Variants in LHX8 observed in about 807,000 individuals in gnomAD.
LHX8 encodes the protein LIM homeobox 8, also known as LIM/homeobox protein Lhx8.
LHX8 carries 12 observed loss-of-function variants against 40.3 expected under a neutral mutation model. The observed-to-expected ratio is 0.30, with a 90% confidence interval of 0.19 to 0.48. The LOEUF (loss-of-function observed/expected upper bound fraction) is 0.48, where lower values mean the gene tolerates loss of function less well. Ranked by LOEUF, LHX8 falls within the 20% of genes least tolerant of loss-of-function variation. The pLI, the probability that LHX8 is intolerant of heterozygous loss-of-function variation, is 0.99. For missense variants in LHX8, 344 were observed against 433.7 expected (o/e 0.79, Z 1.84); for synonymous variants, 179 against 162.0 (o/e 1.10, Z -0.80).
At chr1:75,151,052 A>G (rs1382795591) in intron 7 of LHX8, among the ~76,000 whole-genome samples, 1 of 152,190 alleles carries the variant, frequency 6.6e-6, no homozygotes, top group Non-Finnish European at 1.5e-5. Flanking sequence ...GGCAAGAGGA[A>G]ACTCAGGGAG....
chr1:75,189,968 G>T, the LHX8 span, among the ~76,000 whole-genome samples: 45 of 152,210 alleles, frequency 3.0e-4, 1 homozygote, highest in African/African-American at 2.4e-5. Flanking sequence ...CTTTGCAAAG[G>T]CCTCGTCAAA....
chr1:75,160,231 A>C (rs1648882883), intron 8 of LHX8: 1 of 152,442 alleles, frequency 6.6e-6, no homozygotes, highest in Non-Finnish European at 1.5e-5. Flanking sequence ...CAGATTTCCT[A>C]GTTGGTCTCA....
At chr1:75,153,254 T>A (rs991142337) in intron 7 of LHX8, among the ~76,000 whole-genome samples, 1 of 152,022 alleles carries the variant, frequency 6.6e-6, no homozygotes, top group East Asian at 1.9e-4. Context: ...TACAGGTGCG[T>A]GATACCACAC....
At position 75,157,059 on chromosome 1, in the gene LHX8, T is replaced by G. The variant is rs1648789421; in HGVS notation, c.947T>G (p.Leu316Arg). The G allele has an allele frequency of 6.2e-7, 1 of 1,614,072 alleles. No individual in the cohort carries two copies. Among genetic ancestry groups the G allele is most frequent in the African/African-American group, 1.3e-5 (1 of 74,934 alleles). Residue 316 changes from leucine (L) to arginine (R), a missense_variant, in exon 8 of 9, where the codon CTG (leucine) becomes CGG (arginine). Physicochemically the swap from Leu to Arg is moderately radical, Grantham distance 102. This residue lies in a region of LHX8 where 89 missense variants were observed against 92.8 expected (regional missense o/e 0.96). Coordinates refer to ENST00000356261, the MANE Select transcript of LHX8 (RefSeq NM_001256114.2). ...VPQDGTMLTA[L>R]HSYMDAHSPT... ...CAAGATGGAACGATGTTAACTGCGCTGCATAGTTATATGGATGGTAGGTAT... is the reference window on the plus strand; with the variant it reads ...CAAGATGGAACGATGTTAACTGCGCGGCATAGTTATATGGATGGTAGGTAT...
the LHX8 span, among the ~76,000 whole-genome samples, chr1:75,182,209 C>G: frequency 1.4e-3 from 216 of 152,242 alleles, no homozygotes; most frequent in African/African-American, 4.9e-3. Flanking sequence ...CTTCATTCTT[C>G]TATATGTGGC....
downstream of LHX8, among the ~76,000 whole-genome samples, chr1:75,164,804 G>T (rs1350061862): frequency 4.1e-5 from 6 of 148,012 alleles, no homozygotes; most frequent in African/African-American, 1.5e-4. Flanking sequence ...CAAGTAGCCA[G>T]AACTACAGAT....
chr1:75,166,869 C>T, the LHX8 span, among the ~76,000 whole-genome samples: 1 of 152,166 alleles, frequency 6.6e-6, no homozygotes, highest in African/African-American at 2.4e-5. Context: ...GCTTCCTCTC[C>T]TGTTAGGATA....
intron 3 of LHX8, among the ~76,000 whole-genome samples, chr1:75,140,718 C>G (rs1648289811): frequency 6.6e-6 from 1 of 151,944 alleles, no homozygotes; most frequent in Admixed American, 6.6e-5. Flanking sequence ...AAAAAGCAAC[C>G]TGAATTCTTC....
the LHX8 span, among the ~76,000 whole-genome samples, chr1:75,198,410 TG>T: frequency 6.6e-6 from 1 of 152,188 alleles, no homozygotes; most frequent in African/African-American, 2.4e-5. Flanking sequence ...TAACAGGCAT[TG>T]CCCAACTCTA....
chr1:75,150,207 C>T (rs1648568223), intron 7 of LHX8, among the ~76,000 whole-genome samples: 1 of 152,166 alleles, frequency 6.6e-6, no homozygotes, highest in African/African-American at 2.4e-5. Context: ...CACTGCACTC[C>T]AGCCTGGGTG....
chr1:75,148,740 C>T, intron 7 of LHX8, 58 bp downstream of exon 7: 2 of 1,172,202 alleles, frequency 1.7e-6, no homozygotes, highest in Non-Finnish European at 2.5e-6. Flanking sequence ...ATTGGGTCTC[C>T]CTATGTTGCC....
downstream of LHX8, among the ~76,000 whole-genome samples, chr1:75,165,075 T>C (rs1212692271): frequency 6.6e-6 from 1 of 152,194 alleles, no homozygotes; most frequent in East Asian, 1.9e-4. Context: ...AAAGTGAGCA[T>C]TCATTAGGAT....
At chr1:75,155,456 G>A (rs150800349) in intron 7 of LHX8, among the ~76,000 whole-genome samples, 146 of 152,094 alleles carry the variant, frequency 9.6e-4, no homozygotes, top group Admixed American at 1.9e-3. Context: ...GGATGGTCTC[G>A]ATCTCCTGAC....
At chr1:75,143,974 T>G (rs762880508) in intron 6 of LHX8, 26 bp downstream of exon 6, 67 of 1,585,498 alleles carry the variant, frequency 4.2e-5, no homozygotes, top group Non-Finnish European at 5.6e-5. Flanking sequence ...AATTTTTTAT[T>G]TTTGAAGCCC....
chr1:75,158,333 T>G (rs1648825101), intron 8 of LHX8, among the ~76,000 whole-genome samples: 1 of 152,220 alleles, frequency 6.6e-6, no homozygotes, highest in Admixed American at 6.5e-5. Flanking sequence ...CCTACTTAGT[T>G]GCTTGGCTTT....
chr1:75,136,452 C>A, intron 1 of LHX8, 151 bp from the exon 2 acceptor site: 1 of 438,172 alleles, frequency 2.3e-6, no homozygotes, highest in South Asian at 5.0e-5. Context: ...CCGCCCGCGG[C>A]GCCCGGGCTC....
In LHX8 at chr1:75,136,655, G is replaced by T; in HGVS notation, c.41G>T (p.Gly14Val). The T allele has an allele frequency of 6.5e-7, 1 of 1,548,866 alleles. No individual in the cohort carries two copies. Reference sequence around the variant, plus strand: ...GGGCGGACTACAGCCCTGGCGGCCGGGAGGACTCGCAAAGGCGCCGGGGAA... The same window carrying T: ...GGGCGGACTACAGCCCTGGCGGCCGTGAGGACTCGCAAAGGCGCCGGGGAA... ...ECGRTTALAA[G>V]RTRKGAGEEG... The change falls in exon 2 of 9, where the codon GGG becomes GTG. Residue 14 changes from glycine to valine, a missense_variant. Gly to Val is a moderately radical substitution (Grantham distance 109). Coordinates refer to ENST00000356261, the MANE Select transcript of LHX8 (RefSeq NM_001256114.2).
At chr1:75,187,142 A>G in the LHX8 span, among the ~76,000 whole-genome samples, 4 of 152,174 alleles carry the variant, frequency 2.6e-5, no homozygotes, top group Admixed American at 1.3e-4. Flanking sequence ...AAGCTGAGCA[A>G]CTTCAGTTGA....
chr1:75,133,520 C>T (rs946203386), upstream of LHX8, among the ~76,000 whole-genome samples: 6 of 152,112 alleles, frequency 3.9e-5, no homozygotes, highest in Non-Finnish European at 5.9e-5. Flanking sequence ...AAATAGACTC[C>T]TAGATCTTCT....
Sources: gnomAD v4.1 joint callset for allele counts (sites outside exome capture counted in the v4.1 genomes callset) on GRCh38, gnomAD v4.1.1 for gene constraint, gnomAD v4.1.1 regional missense constraint, MANE v1.5 for transcripts, NCBI Gene and HGNC (gene_info 2026-07-23, HGNC 2026-07-21) for gene names.